Variants in XRCC4 observed in about 807,000 individuals in gnomAD.
The protein encoded by XRCC4 is X-ray repair cross complementing 4, also known as DNA repair protein XRCC4.
In XRCC4, 28 loss-of-function variants were observed where a neutral mutation model predicts 39.1. The observed-to-expected ratio is 0.72, with a 90% confidence interval of 0.53 to 0.98. The LOEUF is 0.98. Among genes scored for constraint, XRCC4 ranks in the 50% least tolerant of loss-of-function variants. XRCC4 has a pLI of 0.00. For missense variants in XRCC4, 350 were observed against 376.4 expected, an observed-to-expected ratio of 0.93 and a Z score of 0.58; for synonymous variants, 123 against 126.4, an observed-to-expected ratio of 0.97 and a Z score of 0.18.
rs1753286168 is a variant in XRCC4, at chr5:83,250,967, T to TAA, written c.746-7563_746-7562insAA. 2.0e-5 allele frequency among the ~76,000 whole-genome samples: 3 copies of TAA among 152,332 alleles called. No individual in the cohort carries two copies. In the South Asian group the frequency reaches 6.2e-4, roughly 32 times the overall value. On this transcript the variant is annotated intron_variant, in intron 6 of 7. Transcript: ENST00000396027. ...ATTAGTTCCTTTTTAATTGCTTGTG[T>TAA]GGCTTATGGCTTCCTTACAAATAGT...
intron 3 of XRCC4, among the ~76,000 whole-genome samples, chr5:83,167,232 T>C (rs965109750): frequency 2.9e-5 from 1 of 34,996 alleles, no homozygotes; most frequent in Non-Finnish European, 6.0e-5. Flanking sequence ...ATGTTGAGCT[T>C]TTTTTTTTTT....
In XRCC4 at chr5:83,273,248, C is replaced by A. The variant is rs191829262; in HGVS notation, c.893+14571C>A. ...CTTTTGAGAAGTGTCTGTTCATATCCTTTGCCTACTTTTTGATGGGGTTGT... is the reference window on the plus strand; with the variant it reads ...CTTTTGAGAAGTGTCTGTTCATATCATTTGCCTACTTTTTGATGGGGTTGT... On this transcript the variant is annotated intron_variant, in intron 7 of 7. Transcript: ENST00000396027. Among the ~76,000 whole-genome samples, 627 of 152,282 alleles carry A rather than the reference C, an allele frequency of 4.1e-3. 3 individuals are homozygous for A. The highest frequency in any genetic ancestry group is 0.013 in the African/African-American group (540 of 41,556).
downstream of XRCC4, among the ~76,000 whole-genome samples, chr5:83,356,894 G>A (rs1358404327): frequency 6.6e-6 from 1 of 151,968 alleles, no homozygotes. Context: ...GCATCAGATG[G>A]TATGGCTCCA....
At chr5:83,248,279 C>T (rs1753183247) in intron 6 of XRCC4, among the ~76,000 whole-genome samples, 1 of 152,050 alleles carries the variant, frequency 6.6e-6, no homozygotes, top group South Asian at 2.1e-4. Context: ...TTATTTTTGT[C>T]TTGAAGGCAA....
intron 3 of XRCC4, among the ~76,000 whole-genome samples, chr5:83,152,788 C>G (rs1043094302): frequency 6.6e-6 from 1 of 152,012 alleles, no homozygotes; most frequent in Non-Finnish European, 1.5e-5. Flanking sequence ...GTAATATTTA[C>G]AGAGATCCTG....
intron 3 of XRCC4, among the ~76,000 whole-genome samples, chr5:83,177,990 AAGAT>A (rs1335306582): frequency 6.6e-5 from 10 of 152,158 alleles, no homozygotes; most frequent in Admixed American, 2.0e-4. Context: ...GATTGGAACT[AAGAT>A]AGCTGTAATT....
At chr5:83,348,050 A>C (rs1476208775) in intron 7 of XRCC4, among the ~76,000 whole-genome samples, 1 of 151,990 alleles carries the variant, frequency 6.6e-6, no homozygotes, top group East Asian at 1.9e-4. Flanking sequence ...CAAGGGGTAG[A>C]CTCCTAAGTC....
the XRCC4 span, among the ~76,000 whole-genome samples, chr5:83,368,524 T>C: frequency 2.0e-5 from 3 of 152,310 alleles, no homozygotes; most frequent in African/African-American, 7.2e-5. Flanking sequence ...ACAGAACAAC[T>C]GCTTTTTTGT....
chr5:83,327,289 C>T (rs187392699), intron 7 of XRCC4, among the ~76,000 whole-genome samples: 201 of 152,146 alleles, frequency 1.3e-3, no homozygotes, highest in African/African-American at 4.6e-3. Context: ...TAAAATCCTA[C>T]AGTATATAGC....
intron 3 of XRCC4, among the ~76,000 whole-genome samples, chr5:83,130,411 A>T (rs575738139): frequency 2.0e-5 from 3 of 151,992 alleles, no homozygotes; most frequent in African/African-American, 7.2e-5. Flanking sequence ...TTCTTCAGGG[A>T]TATTGGTCTA....
chr5:83,267,310 T>C (rs1011421929), intron 7 of XRCC4, among the ~76,000 whole-genome samples: 1 of 152,148 alleles, frequency 6.6e-6, no homozygotes, highest in Non-Finnish European at 1.5e-5. Context: ...AGAGTTCTAA[T>C]TGAACCCCAT....
the XRCC4 span, among the ~76,000 whole-genome samples, chr5:83,363,549 C>G: frequency 2.0e-5 from 3 of 152,084 alleles, no homozygotes; most frequent in Non-Finnish European, 4.4e-5. Flanking sequence ...CTATTCCCAG[C>G]CTGCCTGGGA....
At chr5:83,124,573 A>T (rs1172777955) in intron 3 of XRCC4, among the ~76,000 whole-genome samples, 1 of 152,168 alleles carries the variant, frequency 6.6e-6, no homozygotes, top group Non-Finnish European at 1.5e-5. Context: ...TGGCTATTAG[A>T]AAGCTGCTTT....
chr5:83,209,721 T>C (rs1348528181), intron 6 of XRCC4, among the ~76,000 whole-genome samples: 2 of 152,056 alleles, frequency 1.3e-5, no homozygotes, highest in Non-Finnish European at 1.5e-5. Context: ...AAAATTATAG[T>C]TATTTCTATG....
intron 3 of XRCC4, among the ~76,000 whole-genome samples, chr5:83,121,667 C>T (rs1433036777): frequency 2.6e-5 from 4 of 152,162 alleles, no homozygotes; most frequent in Non-Finnish European, 5.9e-5. Flanking sequence ...TTTGCAAATA[C>T]TTTCTCCAAG....
At chr5:83,170,821 A>G (rs929566016) in intron 3 of XRCC4, among the ~76,000 whole-genome samples, 1 of 152,114 alleles carries the variant, frequency 6.6e-6, no homozygotes, top group South Asian at 2.1e-4. Flanking sequence ...TCACACCTGA[A>G]AGGAGGGGGA....
chr5:83,336,095 A>T (rs1365101748), intron 7 of XRCC4, among the ~76,000 whole-genome samples: 1 of 152,128 alleles, frequency 6.6e-6, no homozygotes, highest in Non-Finnish European at 1.5e-5. Flanking sequence ...TTACAATATG[A>T]CAAATTGGCC....
At chr5:83,113,437 A>G (rs1206549468) in intron 3 of XRCC4, among the ~76,000 whole-genome samples, 1 of 152,006 alleles carries the variant, frequency 6.6e-6, no homozygotes, top group Non-Finnish European at 1.5e-5. Flanking sequence ...CTGTCGGTGG[A>G]TCTACCATTC....
intron 3 of XRCC4, among the ~76,000 whole-genome samples, chr5:83,137,889 A>G (rs112601895): frequency 0.015 from 2,221 of 152,248 alleles, 63 homozygotes; most frequent in African/African-American, 0.051. Context: ...TGGATTTCAA[A>G]CTGCAGCAAA....
Sources: allele counts gnomAD v4.1 joint callset (sites outside exome capture counted in the v4.1 genomes callset), GRCh38; gene constraint gnomAD v4.1.1; transcripts MANE v1.5; gene names NCBI Gene and HGNC (gene_info 2026-07-23, HGNC 2026-07-21).